Variants in RNPS1 observed in about 807,000 individuals in gnomAD.
The protein encoded by RNPS1 is RNA binding protein with serine rich domain 1.
For synonymous variants in RNPS1, 147 were observed against 150.0 expected (o/e 0.98, Z 0.15); for missense variants, 300 against 427.6 (o/e 0.70, Z 2.63).
intron 6 of RNPS1, chr16:2,257,050 G>A (rs927384778): frequency 2.6e-5 from 4 of 152,224 alleles, no homozygotes; most frequent in African/African-American, 7.2e-5. Flanking sequence ...GAAACAAGCA[G>A]TCTCAGAGAG....
rs2093606248 is a variant in RNPS1, at chr16:2,262,298, G to A, written c.656C>T (p.Ala219Val). 2.5e-6 allele frequency: 4 copies of A among 1,613,030 alleles called. No individual in the cohort carries two copies. The highest frequency in any genetic ancestry group is 3.4e-6 in the Non-Finnish European group (4 of 1,180,018). ...EFENPDEAEK[A>V]LKHMDGGQID... is the part of the protein sequence containing the mutation. ...CCCACCTCCATCCATGTGCTTCAGC[G>A]CCTTCTCGGCTTCATCTGGATTCTC... Residue 219 changes from alanine (A) to valine (V), a missense_variant, in exon 6 of 8, where the codon GCG (alanine) becomes GTG (valine). By Grantham distance (64) the Ala-to-Val change is moderately conservative. Coordinates refer to ENST00000320225, the MANE Select transcript of RNPS1 (RefSeq NM_080594.4).
Position 2,259,628 on chromosome 16 carries a change from G to A in RNPS1, c.676+2650C>T, listed in dbSNP as rs2093593961. Among the ~76,000 whole-genome samples, 5 of 152,216 alleles carry A rather than the reference G, an allele frequency of 3.3e-5. No homozygotes were observed. The South Asian group carries it at 1.0e-3, about 31-fold the overall frequency. On this transcript the variant is annotated intron_variant, in intron 6 of 7. Coordinates refer to ENST00000320225, the MANE Select transcript of RNPS1 (RefSeq NM_080594.4). ...AATAAGGCCGGGTGCAGTGGCTCACGCCTGTAATCCCAGCACTTTGGGAGG... is the reference window on the plus strand; with the variant it reads ...AATAAGGCCGGGTGCAGTGGCTCACACCTGTAATCCCAGCACTTTGGGAGG...
chr16:2,256,748 G>C (rs533081423), intron 6 of RNPS1: 1 of 152,312 alleles, frequency 6.6e-6, no homozygotes, highest in South Asian at 2.1e-4. Flanking sequence ...GGCAGTATCC[G>C]CGTTTGCGCT....
In RNPS1 at chr16:2,264,588, T is replaced by G. The variant is rs1467098695; in HGVS notation, c.56A>C (p.Lys19Thr). The change falls in exon 2 of 8, where the codon AAA becomes ACA. Residue 19 changes from lysine to threonine, a missense_variant. Physicochemically the swap from Lys to Thr is moderately conservative, Grantham distance 78. Transcript: ENST00000320225. ...GAAGGATTACCTAGTGCTGGACTTT[T>G]TATTATTTTCTTTGACTCCTAGCAA... is the stretch of plus-strand genomic sequence containing the variant. ...KSLLGVKENN[K>T]KSSTRAPSPT... 8.1e-6 allele frequency: 13 copies of G among 1,613,452 alleles called. No homozygotes were observed. The highest frequency in any genetic ancestry group is 1.3e-5 in the African/African-American group (1 of 74,900).
intron 6 of RNPS1, among the ~76,000 whole-genome samples, chr16:2,261,427 C>T (rs756417787): frequency 2.6e-5 from 4 of 152,200 alleles, no homozygotes; most frequent in Non-Finnish European, 5.9e-5. Context: ...TGCCCCATGA[C>T]GACAACCCTC....
intron 6 of RNPS1, among the ~76,000 whole-genome samples, chr16:2,261,504 T>C (rs1215398930): frequency 6.6e-6 from 1 of 152,208 alleles, no homozygotes; most frequent in African/African-American, 2.4e-5. Context: ...GATTAATAAA[T>C]ACATATACAT....
chr16:2,263,405 T>C, intron 3 of RNPS1, 118 bp from the exon 4 acceptor site: 3 of 933,972 alleles, frequency 3.2e-6, no homozygotes, highest in Non-Finnish European at 4.9e-6. Flanking sequence ...CCTCCAGGCC[T>C]CACTGCTTTC....
rs1040091586 is a variant in RNPS1, at chr16:2,263,359, T to G, written c.228-72A>C. On this transcript the variant is annotated intron_variant, in intron 3 of 7. Transcript: ENST00000320225. ...AGTACAGACGCCTCCTCCAATTCTG[T>G]TGTGCTCCCCCCAGGAGAAACCTGC... 56 of 1,494,078 alleles carry G rather than the reference T, an allele frequency of 3.7e-5. No homozygotes were observed. In the African/African-American group the frequency reaches 7.1e-4, roughly 19 times the overall value. 92.6% of individuals were successfully genotyped at this position (1,494,078 alleles called of 1,614,324 possible). A position where few individuals can be genotyped will look rare whatever the true frequency, so the allele number is the denominator to read the frequency against.
intron 3 of RNPS1, 55 bp downstream of exon 3, chr16:2,264,121 T>TG: frequency 6.3e-7 from 1 of 1,593,846 alleles, no homozygotes; most frequent in South Asian, 1.1e-5. Flanking sequence ...CTGTGGGGAG[T>TG]GGGGGTGTAG....
At chr16:2,254,139 C>T in intron 7 of RNPS1, 76 bp from the exon 8 acceptor site, 1 of 1,089,756 alleles carries the variant, frequency 9.2e-7, no homozygotes, top group South Asian at 1.7e-5. Context: ...GGCAATTCCC[C>T]ATAGTTTTAC....
In RNPS1 at chr16:2,253,838, C is replaced by T. The variant is rs959628194; in HGVS notation, c.*126G>A. On this transcript the variant is annotated 3_prime_UTR_variant, in exon 8 of 8. Transcript: ENST00000320225. ...GGCCCGGCTGGCAGAGGGGTGCTGC[C>T]TGCTGCCTGCAAATCCTGCCAGAGT... is the stretch of plus-strand genomic sequence containing the variant. The T allele has an allele frequency of 3.5e-6, 3 of 861,932 alleles. No individual in the cohort carries two copies. The highest frequency in any genetic ancestry group is 1.7e-5 in the African/African-American group (1 of 59,906). The allele number at this position is 861,932 out of a possible 1,614,324, so 53.4% of individuals were successfully genotyped here.
At chr16:2,263,063 G>A (rs779362114) in intron 4 of RNPS1, 33 bp downstream of exon 4, 2 of 1,602,124 alleles carry the variant, frequency 1.2e-6, no homozygotes, top group South Asian at 1.1e-5. Context: ...CCCCGAGCTT[G>A]TAAACTTTAG....
intron 1 of RNPS1, 69 bp downstream of exon 1, chr16:2,267,986 G>A: frequency 6.5e-7 from 1 of 1,533,402 alleles, no homozygotes; most frequent in Non-Finnish European, 8.7e-7. Context: ...CCGGCTTCAC[G>A]AGGCGTCCTG....
chr16:2,263,202 G>C lies in RNPS1; in HGVS notation c.313C>G (p.Arg105Gly). 3 of 1,613,700 alleles carry C rather than the reference G, an allele frequency of 1.9e-6. No homozygotes were observed. Among genetic ancestry groups the C allele is most frequent in the Non-Finnish European group, 2.5e-6 (3 of 1,179,818 alleles). The change falls in exon 4 of 8, where the codon CGC becomes GGC. Residue 105 changes from arginine to glycine, a missense_variant. Arg to Gly is a moderately radical substitution (Grantham distance 125). Coordinates refer to ENST00000320225, the MANE Select transcript of RNPS1 (RefSeq NM_080594.4). ...CGGGAGGTGCTGGAGCTTCCTGAGC[G>C]GCTGGATGCTGAGGAAGAGCTGGAG... ...SGSSSSSASS[R>G]SGSSSTSRSS... is the part of the protein sequence containing the mutation.
At chr16:2,260,776 AGTCTT>A (rs1293408136) in intron 6 of RNPS1, among the ~76,000 whole-genome samples, 2 of 152,248 alleles carry the variant, frequency 1.3e-5, no homozygotes, top group African/African-American at 4.8e-5. Flanking sequence ...AAAGCAAACC[AGTCTT>A]GTCTTTTAAT....
rs1567326343 is a variant in RNPS1, at chr16:2,262,692, C to A, written c.522+48G>T. The A allele has an allele frequency of 3.3e-6, 5 of 1,515,212 alleles. No homozygotes were observed. The South Asian group carries it at 3.4e-5, about 10-fold the overall frequency. The allele number at this position is 1,515,212 out of a possible 1,614,324, so 93.9% of individuals were successfully genotyped here. ...TCTAAGTTCATCTGCAGGCACAGGC[C>A]TGCTTGTCCACACCCCACTGCCCAC... On this transcript the variant is annotated intron_variant, in intron 5 of 7. Transcript: ENST00000320225.
Position 2,268,087 on chromosome 16 carries a change from C to T in RNPS1, c.-150G>A, listed in dbSNP as rs1447793538. On this transcript the variant is annotated 5_prime_UTR_variant, in exon 1 of 8. Transcript: ENST00000320225. ...CGCCGCCGCCACCTCCTCCTGCTTT[C>T]CTCAGCCGCCGAGGCCGGCGCCGCT... is the stretch of plus-strand genomic sequence containing the variant. 50 of 1,535,360 alleles carry T rather than the reference C, an allele frequency of 3.3e-5. No individual in the cohort carries two copies. The highest frequency in any genetic ancestry group is 4.1e-5 in the Non-Finnish European group (47 of 1,146,658).
chr16:2,265,008 C>T (rs1050500089), intron 1 of RNPS1: 2 of 210,358 alleles, frequency 9.5e-6, no homozygotes, highest in Non-Finnish European at 1.9e-5. Context: ...ATGGTGGAGA[C>T]CATCACTGTT....
chr16:2,267,468 T>G (rs1596818297), intron 1 of RNPS1: 1 of 977,380 alleles, frequency 1.0e-6, no homozygotes. Context: ...CGGTCCATAG[T>G]GGGCCGTATC....
Sources: gnomAD v4.1 joint callset for allele counts (sites outside exome capture counted in the v4.1 genomes callset) on GRCh38, gnomAD v4.1.1 for gene constraint, MANE v1.5 for transcripts, NCBI Gene and HGNC (gene_info 2026-07-23, HGNC 2026-07-21) for gene names.